INVS: variants seen among roughly 807,000 people sequenced by gnomAD.
The protein encoded by INVS is inversion of embryo turning homolog.
Under a neutral mutation model 108.8 loss-of-function variants are expected in INVS, and 86 were observed. The ratio of observed to expected loss-of-function variants is 0.79; its 90% confidence interval spans 0.66 to 0.95. The LOEUF is 0.95. Among genes scored for constraint, INVS ranks in the 40% least tolerant of loss-of-function variants. INVS has a pLI of 0.00. For missense variants in INVS, 1,169 were observed against 1,297.4 expected (o/e 0.90, Z 1.52); for synonymous variants, 455 against 473.5 (o/e 0.96, Z 0.51).
chr9:100,300,872 AAC>A lies in INVS; in HGVS notation c.*202_*203del. 1.3e-5 allele frequency: 8 copies of A among 617,740 alleles called. 1 individual carries two copies. The South Asian group carries it at 1.5e-4, about 12-fold the overall frequency. The allele number at this position is 617,740 out of a possible 1,614,324, so 38.3% of individuals were successfully genotyped here. ...CTTACACAGCATTGTTTTGTCAATC[AAC>A]ACAGCCTGCACTGAAAGGACCTGCA... On this transcript the variant is annotated 3_prime_UTR_variant, in exon 17 of 17. Coordinates refer to ENST00000262457, the MANE Select transcript of INVS (RefSeq NM_014425.5).
intron 6 of INVS, 47 bp downstream of exon 6, chr9:100,240,287 G>A (rs1831825696): frequency 2.1e-6 from 3 of 1,449,844 alleles, no homozygotes; most frequent in Non-Finnish European, 1.9e-6. Context: ...CATGAGTATA[G>A]GAATATTTCT....
intron 16 of INVS, among the ~76,000 whole-genome samples, chr9:100,299,962 G>A (rs1430655074): frequency 6.6e-6 from 1 of 152,148 alleles, no homozygotes; most frequent in African/African-American, 2.4e-5. Context: ...AACCTTTAAT[G>A]TATTTGCTTA....
At chr9:100,205,542 G>A (rs1830648738) in intron 3 of INVS, among the ~76,000 whole-genome samples, 1 of 151,978 alleles carries the variant, frequency 6.6e-6, no homozygotes, top group South Asian at 2.1e-4. Context: ...TGAAACAAGA[G>A]TAATATAGAA....
intron 2 of INVS, among the ~76,000 whole-genome samples, chr9:100,109,158 T>C (rs899827400): frequency 6.6e-6 from 1 of 152,226 alleles, no homozygotes; most frequent in African/African-American, 2.4e-5. Flanking sequence ...TAGAGTCAGA[T>C]AAACCTGAGT....
intron 13 of INVS, among the ~76,000 whole-genome samples, chr9:100,284,835 T>G (rs894178237): frequency 2.6e-5 from 4 of 152,004 alleles, no homozygotes; most frequent in South Asian, 2.1e-4. Flanking sequence ...ATTTATGGTT[T>G]TTTGTTTTCT....
At chr9:100,207,577 C>T (rs10989016) in intron 3 of INVS, among the ~76,000 whole-genome samples, 29,678 of 152,010 alleles carry the variant, frequency 0.2, 3,753 homozygotes, top group East Asian at 0.64. Context: ...ATAGGTGTGA[C>T]CCACTGTGCA....
chr9:100,213,681 A>T (rs1003745157), intron 3 of INVS, among the ~76,000 whole-genome samples: 1 of 152,170 alleles, frequency 6.6e-6, no homozygotes, highest in African/African-American at 2.4e-5. Context: ...CAGCAAAAAG[A>T]ATGAGCACCA....
chr9:100,108,589 A>G (rs538771064), intron 2 of INVS, among the ~76,000 whole-genome samples: 27 of 152,224 alleles, frequency 1.8e-4, no homozygotes, highest in Non-Finnish European at 3.1e-4. Context: ...AATATATGCT[A>G]TTTCTCTTTT....
At chr9:100,294,643 C>T (rs1833734803) in intron 14 of INVS, among the ~76,000 whole-genome samples, 1 of 152,116 alleles carries the variant, frequency 6.6e-6, no homozygotes, top group African/African-American at 2.4e-5. Context: ...AATCCAAGGG[C>T]CTTTCCCTTA....
intron 3 of INVS, among the ~76,000 whole-genome samples, chr9:100,147,973 C>T (rs1022188259): frequency 2.1e-5 from 3 of 141,874 alleles, no homozygotes; most frequent in Non-Finnish European, 3.0e-5. Flanking sequence ...TGCTTGAAGC[C>T]AGAAGTTTGA....
chr9:100,284,203 A>G lies in INVS; in HGVS notation c.1785-117A>G, dbSNP rs953551383. The G allele has an allele frequency of 4.7e-6, 6 of 1,264,584 alleles. No homozygotes were observed. In the African/African-American group the frequency reaches 9.0e-5, roughly 19 times the overall value. 78.3% of individuals were successfully genotyped at this position (1,264,584 alleles called of 1,614,324 possible). On this transcript the variant is annotated intron_variant, in intron 12 of 16. Transcript: ENST00000262457. ...GAAAAGACTGCTCTTGGAAAATGCA[A>G]ATTTCCAAATATCTCCTGTGATGTA...
intron 4 of INVS, among the ~76,000 whole-genome samples, chr9:100,229,351 A>G (rs1330052031): frequency 1.3e-5 from 2 of 152,174 alleles, no homozygotes; most frequent in African/African-American, 2.4e-5. Context: ...GGGAATGTCT[A>G]CGGTGGGGAT....
At chr9:100,241,720 G>A (rs1010392071) in intron 6 of INVS, among the ~76,000 whole-genome samples, 1 of 152,142 alleles carries the variant, frequency 6.6e-6, no homozygotes, top group Non-Finnish European at 1.5e-5. Context: ...GTGTTATGGA[G>A]AACTCCATCT....
intron 3 of INVS, among the ~76,000 whole-genome samples, chr9:100,129,161 A>G (rs1187149637): frequency 2.6e-5 from 4 of 151,494 alleles, no homozygotes; most frequent in Admixed American, 2.6e-4. Flanking sequence ...CTCAAAAAAT[A>G]TATATTTTAT....
Position 100,284,373 on chromosome 9 carries a change from G to C in INVS, c.1838G>C (p.Arg613Pro), listed in dbSNP as rs774635980. 1 of 1,613,754 alleles carries C rather than the reference G, an allele frequency of 6.2e-7. No individual in the cohort carries two copies. Reference sequence around the variant, plus strand: ...GAGGCAGAACAGCAAAAAGGAAGGCGGAGCCCAGATTCCTGCAGACCCCAG... The same window carrying C: ...GAGGCAGAACAGCAAAAAGGAAGGCCGAGCCCAGATTCCTGCAGACCCCAG... ...RKEAEQQKGR[R>P]SPDSCRPQAL... The change falls in exon 13 of 17, where the codon CGG (arginine) becomes CCG (proline). Residue 613 changes from arginine to proline, a missense_variant. By Grantham distance (103) the Arg-to-Pro change is moderately radical. Around this residue, in one of 3 missense-constraint regions of INVS, gnomAD observed 271 missense variants for 363.8 expected, o/e 0.74. Transcript: ENST00000262457.
chr9:100,205,627 CTA>C (rs1830650807), intron 3 of INVS, among the ~76,000 whole-genome samples: 1 of 151,782 alleles, frequency 6.6e-6, no homozygotes, highest in Non-Finnish European at 1.5e-5. Flanking sequence ...ACTTTAATCT[CTA>C]GAATAATGAG....
intron 1 of INVS, among the ~76,000 whole-genome samples, 191 bp from the exon 2 acceptor site, chr9:100,104,304 ATCC>A (rs1827101074): frequency 6.6e-6 from 1 of 152,142 alleles, no homozygotes; most frequent in South Asian, 2.1e-4. Flanking sequence ...GCCTCAAGCA[ATCC>A]TCCTGCGTTG....
In INVS at chr9:100,287,136, G is replaced by C. The variant is rs560055279; in HGVS notation, c.2068+2533G>C. Among the ~76,000 whole-genome samples, 4 of 152,176 alleles carry C rather than the reference G, an allele frequency of 2.6e-5. No homozygotes were observed. In the South Asian group the frequency reaches 8.3e-4, roughly 32 times the overall value. ...AGAGTCAGTGGAATTCCATGTCTAA[G>C]ATATAGTCACTTAAATGTCTAGCAA... On this transcript the variant is annotated intron_variant, in intron 13 of 16. Transcript: ENST00000262457.
intron 15 of INVS, 117 bp from the exon 16 acceptor site, chr9:100,297,819 A>T (rs1468587295): frequency 9.8e-7 from 1 of 1,022,242 alleles, no homozygotes; most frequent in East Asian, 2.4e-5. Context: ...ACCATACCTA[A>T]CTTATCTTGA....
Sources: gnomAD v4.1 joint callset for allele counts (sites outside exome capture counted in the v4.1 genomes callset) on GRCh38, gnomAD v4.1.1 for gene constraint, gnomAD v4.1.1 regional missense constraint, MANE v1.5 for transcripts, NCBI Gene and HGNC (gene_info 2026-07-23, HGNC 2026-07-21) for gene names.